The following SLC12A9 variants were observed in gnomAD, a reference collection of about 807,000 sequenced individuals.
SLC12A9 encodes the protein solute carrier family 12 member 9.
A neutral mutation model predicts 66.0 loss-of-function variants in SLC12A9; 55 were observed. The observed-to-expected ratio is 0.83, with a 90% confidence interval of 0.67 to 1.04. SLC12A9 has a LOEUF of 1.04. Ranked by LOEUF, SLC12A9 falls within the 50% of genes least tolerant of loss-of-function variation. The probability of loss-of-function intolerance (pLI) is 0.00; values close to 1 mark genes in which losing one functional copy is unlikely to be tolerated. For synonymous variants in SLC12A9, 577 were observed against 569.0 expected, an observed-to-expected ratio of 1.01 and a Z score of -0.20; for missense variants, 1,061 against 1,241.9, an observed-to-expected ratio of 0.85 and a Z score of 2.19.
chr7:100,856,878 G>A lies in SLC12A9; in HGVS notation c.459G>A (p.Gly153=), dbSNP rs779390848. The change falls in exon 5 of 14, where the codon GGG becomes GGA. Residue 153 remains glycine, a synonymous_variant. Transcript: ENST00000354161. ...CCTACCTCTCTCCAGATGCCACAGG[G>A]CCCAGTGGGCTCCGGGTCCTGCCCC... ...VLDVFGADAT[G]PSGLRVLPQG... is the part of the protein sequence containing the mutation. 1.3e-6 allele frequency: 2 copies of A among 1,598,234 alleles called. No homozygotes were observed. The highest frequency in any genetic ancestry group is 1.7e-4 in the Middle Eastern group (1 of 6,008).
chr7:100,861,948 C>T lies in SLC12A9; in HGVS notation c.1711+37C>T. On this transcript the variant is annotated intron_variant, in intron 12 of 13. Transcript: ENST00000354161. The surrounding 1 kb of genome is among the most constrained non-coding windows in gnomAD (Gnocchi z 5.3). ...TCCCACTCACTCACTCACTCCCATC[C>T]TTCTCTCCCCCTACCTTTTTTTTTT... 2 of 1,515,492 alleles carry T rather than the reference C, an allele frequency of 1.3e-6. No individual in the cohort carries two copies. The highest frequency in any genetic ancestry group is 8.8e-7 in the Non-Finnish European group (1 of 1,133,320). The allele number at this position is 1,515,492 out of a possible 1,614,324, so 93.9% of individuals were successfully genotyped here. A position where few individuals can be genotyped will look rare whatever the true frequency, so the allele number is the denominator to read the frequency against.
chr7:100,850,420 A>T (rs1562985850), upstream of SLC12A9, among the ~76,000 whole-genome samples: 1 of 150,744 alleles, frequency 6.6e-6, no homozygotes, highest in South Asian at 2.1e-4. Context: ...TTTAAAAAAA[A>T]ATTAGAGACA....
rs1815101761 is a variant in SLC12A9, at chr7:100,866,406, CAGG to C, written c.2553_2555del (p.Gly852del). The C allele has an allele frequency of 6.5e-7, 1 of 1,540,814 alleles. No individual in the cohort carries two copies. The highest frequency in any genetic ancestry group is 8.8e-7 in the Non-Finnish European group (1 of 1,141,844). The stretch of plus-strand genomic sequence containing the variant: ...GTTCGGGCCCAGCAGGGGCGCGGCA[CAGG>C]AGGAGGGCCGGGTGGGCCGGAGGGT... On this transcript the variant is annotated inframe_deletion, in exon 14 of 14. Coordinates refer to ENST00000354161, the MANE Select transcript of SLC12A9 (RefSeq NM_020246.4). This position sits in a 1 kb window ranked among gnomAD's most constrained non-coding sequence, Gnocchi z 7.3.
rs773621068 is a variant in SLC12A9 at position 100,827,039 on chromosome 7, C to T, written n.220C>T. The T allele has an allele frequency of 8.9e-6, 14 of 1,579,376 alleles. No homozygotes were observed. The South Asian group carries it at 1.5e-4, about 17-fold the overall frequency. ...AGCACCCGGAGCTCCATGGCGCCGC[C>T]TCACTCGGGTAGGATCCGAACTGAG... On this transcript the variant is annotated non_coding_transcript_exon_variant, in exon 1 of 2. Transcript: ENST00000461016.
intron 5 of SLC12A9, chr7:100,858,555 A>T (rs770474874): frequency 5.9e-6 from 2 of 338,510 alleles, no homozygotes; most frequent in African/African-American, 2.1e-5. Flanking sequence ...GTGCCACTGC[A>T]CTCCAGCCTG....
At chr7:100,860,282 G>A (rs1465800122) in intron 9 of SLC12A9, 50 bp downstream of exon 9, 2 of 1,575,250 alleles carry the variant, frequency 1.3e-6, no homozygotes, top group South Asian at 2.2e-5. Context: ...CCAGCTGGCA[G>A]GATGGGGGTG....
chr7:100,855,659 C>T (rs766447478), intron 3 of SLC12A9, 47 bp from the exon 4 acceptor site: 4 of 1,612,404 alleles, frequency 2.5e-6, no homozygotes, highest in Non-Finnish European at 2.5e-6. Flanking sequence ...TTCCTCACGT[C>T]CATTTCAGTC....
intron 13 of SLC12A9, among the ~76,000 whole-genome samples, chr7:100,864,791 C>A (rs183251605): frequency 1.4e-4 from 21 of 152,290 alleles, no homozygotes; most frequent in Non-Finnish European, 2.4e-4. Flanking sequence ...TATTACCTAC[C>A]TCATAGCATT....
At chr7:100,849,633 T>C (rs990307349), upstream of SLC12A9, among the ~76,000 whole-genome samples, 1 of 151,536 alleles carries the variant, frequency 6.6e-6, no homozygotes, top group African/African-American at 2.4e-5. Flanking sequence ...GAGAATCAGT[T>C]GAACCTGGGA....
chr7:100,833,932 C>CAAAAAAAAAAAAAAA (rs60667059), intron 1 of SLC12A9, among the ~76,000 whole-genome samples: 1 of 63,078 alleles, frequency 1.6e-5, no homozygotes, highest in Non-Finnish European at 3.1e-5. Context: ...GACTCTGTCT[C>CAAAAAAAAAAAAAAA]AAAAAAAAAA....
chr7:100,830,512 A>AAAAG (rs780684768), intron 1 of SLC12A9, among the ~76,000 whole-genome samples: 2 of 151,848 alleles, frequency 1.3e-5, no homozygotes, highest in Non-Finnish European at 2.9e-5. Context: ...TGTCTACAAA[A>AAAAG]AAAGAAAGAA....
chr7:100,851,784 CAAAAAAAAAAAA>C (rs66749400), upstream of SLC12A9, among the ~76,000 whole-genome samples: 5 of 74,246 alleles, frequency 6.7e-5, no homozygotes, highest in African/African-American at 2.9e-4. Context: ...GTTCCTGGAT[CAAAAAAAAAAAA>C]AAAAAAAAAA....
chr7:100,827,871 C>T (rs1405724426), intron 1 of SLC12A9, among the ~76,000 whole-genome samples: 1 of 152,342 alleles, frequency 6.6e-6, no homozygotes, highest in Admixed American at 6.5e-5. Flanking sequence ...ACACACCCAG[C>T]AGCAACACGG....
intron 1 of SLC12A9, among the ~76,000 whole-genome samples, chr7:100,829,455 A>C (rs1349342519): frequency 6.6e-6 from 1 of 151,176 alleles, no homozygotes; most frequent in Non-Finnish European, 1.5e-5. Context: ...CTGCTGCAAG[A>C]GGTGTTCCCC....
rs781057881 is a variant in SLC12A9, at chr7:100,862,846, G to A, written c.1858+19G>A. The A allele has an allele frequency of 1.2e-6, 2 of 1,613,436 alleles. No individual in the cohort carries two copies. Among genetic ancestry groups the A allele is most frequent in the South Asian group, 2.2e-5 (2 of 91,070 alleles). On this transcript the variant is annotated intron_variant, in intron 13 of 13. Transcript: ENST00000354161. Reference sequence around the variant, plus strand: ...GGCCTCGGTGAGCTGCTTCTCCCTGGATGCCCTCGGCCTTCCTCTGTGGCC... The same window carrying A: ...GGCCTCGGTGAGCTGCTTCTCCCTGAATGCCCTCGGCCTTCCTCTGTGGCC...
chr7:100,850,915 TCACC>T (rs1814055228), upstream of SLC12A9, among the ~76,000 whole-genome samples: 1 of 151,968 alleles, frequency 6.6e-6, no homozygotes, highest in Non-Finnish European at 1.5e-5. Flanking sequence ...AGATGGGGTA[TCACC>T]ATGTTGGCCA....
chr7:100,852,857 G>A (rs1814147994), intron 1 of SLC12A9, 22 bp downstream of exon 1: 1 of 152,296 alleles, frequency 6.6e-6, no homozygotes, highest in Admixed American at 6.5e-5. Context: ...AGCGCCTCGC[G>A]GCCCCCGAGC....
At chr7:100,826,993 G>A in exon 1 of SLC12A9, 2 of 1,573,290 alleles carry the variant, frequency 1.3e-6, no homozygotes, top group Non-Finnish European at 1.7e-6. Flanking sequence ...CAAAGCTGCG[G>A]CCAACGAAGC....
At chr7:100,857,369 A>C in intron 5 of SLC12A9, 193 bp downstream of exon 5, 1 of 633,142 alleles carries the variant, frequency 1.6e-6, no homozygotes, top group Non-Finnish European at 2.7e-6. Flanking sequence ...GGAAGCCCAC[A>C]AAACAGTCCC....
Sources: allele counts gnomAD v4.1 joint callset (sites outside exome capture counted in the v4.1 genomes callset), GRCh38; gene constraint gnomAD v4.1.1; non-coding constraint Gnocchi (gnomAD v3.1); transcripts MANE v1.5; gene names NCBI Gene and HGNC (gene_info 2026-07-23, HGNC 2026-07-21).